MAPRE3: variants seen among roughly 807,000 people sequenced by gnomAD.
The protein encoded by MAPRE3 is microtubule-associated protein RP/EB family member 3.
Under a neutral mutation model 30.5 loss-of-function variants are expected in MAPRE3, and 2 were observed. The ratio of observed to expected loss-of-function variants is 0.07; its 90% CI spans 0.03 to 0.21. The LOEUF is 0.21. Among genes scored for constraint, MAPRE3 ranks in the 10% least tolerant of loss-of-function variants. MAPRE3 has a pLI of 1.00. For synonymous variants in MAPRE3, 110 were observed against 127.7 expected (o/e 0.86, Z 0.93); for missense variants, 204 against 351.8 (o/e 0.58, Z 3.36).
intron 1 of MAPRE3, among the ~76,000 whole-genome samples, chr2:27,004,240 A>G (rs1447904466): frequency 1.3e-5 from 2 of 152,150 alleles, no homozygotes; most frequent in Non-Finnish European, 1.5e-5. Context: ...TTCATGCACC[A>G]TGCTGCCCGT....
chr2:26,982,933 G>A (rs1299118789), intron 1 of MAPRE3, among the ~76,000 whole-genome samples: 1 of 152,182 alleles, frequency 6.6e-6, no homozygotes, highest in Non-Finnish European at 1.5e-5. Flanking sequence ...ATGGACAAGA[G>A]TGCCAGCAAA....
Position 27,025,932 on chromosome 2 carries a change from A to G in MAPRE3, c.677A>G (p.Tyr226Cys). 6.2e-7 allele frequency: 1 copy of G among 1,614,192 alleles called. No homozygotes were observed. Among genetic ancestry groups the G allele is most frequent in the Non-Finnish European group, 8.5e-7 (1 of 1,180,032 alleles). ...GGGCTGGAGAAGGAACGTGACTTCT[A>G]CTTCAGCAAACTTCGTGACATCGAG... ...VDGLEKERDF[Y>C]FSKLRDIELI... is the part of the protein sequence containing the mutation. Residue 226 changes from tyrosine (Y) to cysteine (C), a missense_variant, in exon 6 of 7, where the codon TAC becomes TGC. Coordinates refer to ENST00000233121, the MANE Select transcript of MAPRE3 (RefSeq NM_012326.4).
At chr2:26,998,358 G>A (rs1666512773) in intron 1 of MAPRE3, among the ~76,000 whole-genome samples, 1 of 152,174 alleles carries the variant, frequency 6.6e-6, no homozygotes, top group African/African-American at 2.4e-5. Flanking sequence ...GCTTGTGAAT[G>A]TTATTCTAAA....
At chr2:26,984,429 C>T (rs1287471123) in intron 1 of MAPRE3, among the ~76,000 whole-genome samples, 4 of 152,138 alleles carry the variant, frequency 2.6e-5, no homozygotes, top group African/African-American at 7.2e-5. Flanking sequence ...TGGAATCTAA[C>T]TATTTTTCAT....
At chr2:27,003,957 A>C (rs1470197207) in intron 1 of MAPRE3, among the ~76,000 whole-genome samples, 6 of 152,228 alleles carry the variant, frequency 3.9e-5, no homozygotes, top group African/African-American at 1.4e-4. Flanking sequence ...CCTTCACAAC[A>C]GTCCGGCAGC....
At chr2:26,977,177 TTGAG>T (rs1266817490) in intron 1 of MAPRE3, among the ~76,000 whole-genome samples, 9 of 152,336 alleles carry the variant, frequency 5.9e-5, no homozygotes, top group African/African-American at 1.9e-4. Flanking sequence ...TCATAAGTGA[TTGAG>T]TAATGGGATT....
intron 1 of MAPRE3, among the ~76,000 whole-genome samples, chr2:26,971,105 C>A (rs1399303960): frequency 2.0e-5 from 3 of 152,204 alleles, no homozygotes; most frequent in Non-Finnish European, 4.4e-5. Flanking sequence ...CACCTCTGCC[C>A]TGGGCTGATA....
Position 27,026,845 on chromosome 2 carries a change from CT to C in MAPRE3, c.*501del, listed in dbSNP as rs1411504425. The C allele has an allele frequency of 6.5e-5, 10 of 153,288 alleles. No homozygotes were observed. Among genetic ancestry groups the C allele is most frequent in the African/African-American group, 2.4e-4 (10 of 41,524 alleles). The allele number at this position is 153,288 out of a possible 1,614,324, so 9.5% of individuals were successfully genotyped here. A position where few individuals can be genotyped will look rare whatever the true frequency, so the allele number is the denominator to read the frequency against. ...ACTCACCCATTCTAATTTATTTTGT[CT>C]TTTGGCTTCTCAGTAGCTAAGGGGA... On this transcript the variant is annotated 3_prime_UTR_variant, in exon 7 of 7. Coordinates refer to ENST00000233121, the MANE Select transcript of MAPRE3 (RefSeq NM_012326.4).
chr2:26,977,686 G>A (rs1367026392), intron 1 of MAPRE3, among the ~76,000 whole-genome samples: 1 of 152,196 alleles, frequency 6.6e-6, no homozygotes, highest in Non-Finnish European at 1.5e-5. Flanking sequence ...GCCCTATGTA[G>A]ACATAGGCTA....
chr2:27,003,529 A>C (rs1442551330), intron 1 of MAPRE3, among the ~76,000 whole-genome samples: 1 of 152,224 alleles, frequency 6.6e-6, no homozygotes, highest in African/African-American at 2.4e-5. Context: ...AGCTTTTCTC[A>C]TAGCCATGGC....
intron 1 of MAPRE3, among the ~76,000 whole-genome samples, chr2:26,991,020 G>A (rs1404316408): frequency 6.6e-6 from 1 of 152,188 alleles, no homozygotes; most frequent in Non-Finnish European, 1.5e-5. Context: ...TTGGGAGGCC[G>A]AGGCGGGCGG....
chr2:27,022,440 C>A, intron 2 of MAPRE3, 101 bp downstream of exon 2: 1 of 1,395,742 alleles, frequency 7.2e-7, no homozygotes, highest in Non-Finnish European at 9.8e-7. Flanking sequence ...TCATGCATGG[C>A]TGAATGACTG....
intron 1 of MAPRE3, among the ~76,000 whole-genome samples, chr2:26,980,192 A>C (rs1215620546): frequency 6.6e-6 from 1 of 152,230 alleles, no homozygotes; most frequent in Non-Finnish European, 1.5e-5. Context: ...ACTAGATTTA[A>C]GGATTTAACT....
intron 1 of MAPRE3, chr2:26,996,765 C>T (rs1666470598): frequency 6.6e-6 from 1 of 152,150 alleles, no homozygotes; most frequent in African/African-American, 2.4e-5. Flanking sequence ...CAAGATCACA[C>T]CTCTGCATTC....
intron 1 of MAPRE3, among the ~76,000 whole-genome samples, chr2:27,018,006 G>T (rs1667025581): frequency 6.6e-6 from 1 of 152,162 alleles, no homozygotes; most frequent in African/African-American, 2.4e-5. Context: ...CAGGAAAGCT[G>T]CCCCCAGGCT....
intron 1 of MAPRE3, among the ~76,000 whole-genome samples, chr2:26,971,627 T>A (rs1665918168): frequency 6.6e-6 from 1 of 152,088 alleles, no homozygotes; most frequent in Non-Finnish European, 1.5e-5. Flanking sequence ...TGCTTTTTTT[T>A]TTTTTTAAAT....
Position 26,980,046 on chromosome 2 carries a change from G to T in MAPRE3, c.-8+9244G>T, listed in dbSNP as rs114249870. ...AGAGGTCTTGCATGCAGAGTACAAA[G>T]ACCAGAGCCCCAAGTAATAAGCTTT... On this transcript the variant is annotated intron_variant, in intron 1 of 6. Transcript: ENST00000233121. 8.4e-3 allele frequency among the ~76,000 whole-genome samples: 1,274 copies of T among 152,272 alleles called. 18 individuals are homozygous for T. The highest frequency in any genetic ancestry group is 0.03 in the African/African-American group (1,238 of 41,528).
intron 1 of MAPRE3, among the ~76,000 whole-genome samples, chr2:26,984,470 G>A (rs1327546366): frequency 6.6e-6 from 1 of 152,194 alleles, no homozygotes; most frequent in Non-Finnish European, 1.5e-5. Flanking sequence ...ATAGTAAAGA[G>A]TAAGTGAGAA....
chr2:26,979,053 G>A (rs918236434), intron 1 of MAPRE3, among the ~76,000 whole-genome samples: 1 of 152,210 alleles, frequency 6.6e-6, no homozygotes, highest in African/African-American at 2.4e-5. Flanking sequence ...ATGGGAAAGG[G>A]TGCTTTGGTA....
Sources: allele counts gnomAD v4.1 joint callset (sites outside exome capture counted in the v4.1 genomes callset), GRCh38; gene constraint gnomAD v4.1.1; transcripts MANE v1.5; gene names NCBI Gene and HGNC (gene_info 2026-07-23, HGNC 2026-07-21).